BDNF: variants seen among roughly 807,000 people sequenced by gnomAD.
BDNF encodes the protein neurotrophic factor BDNF precursor form.
A neutral mutation model predicts 19.5 loss-of-function variants in BDNF; 1 was observed. The ratio of observed to expected loss-of-function variants is 0.05; its 90% CI spans 0.02 to 0.24. The LOEUF (loss-of-function observed/expected upper bound fraction) is 0.24. Among genes scored for constraint, BDNF ranks in the 10% least tolerant of loss-of-function variants. The pLI, the probability that BDNF is intolerant of heterozygous loss-of-function variation, is 1.00. For missense variants in BDNF, 195 were observed against 317.6 expected (o/e 0.61, Z 2.93); for synonymous variants, 100 against 121.6 (o/e 0.82, Z 1.17).
At chr11:27,717,771 A>G (rs1424299050) in intron 1 of BDNF, among the ~76,000 whole-genome samples, 3 of 152,156 alleles carry the variant, frequency 2.0e-5, no homozygotes, top group Admixed American at 2.0e-4. Context: ...TTGTAAATAC[A>G]CATAAACAGT....
chr11:27,705,629 G>A (rs1860078125), intron 1 of BDNF, among the ~76,000 whole-genome samples: 1 of 152,202 alleles, frequency 6.6e-6, no homozygotes, highest in South Asian at 2.1e-4. Flanking sequence ...TGAGCAGGAT[G>A]TGCAACTGGC....
intron 1 of BDNF, among the ~76,000 whole-genome samples, chr11:27,680,680 C>T (rs1019748832): frequency 6.6e-6 from 1 of 152,108 alleles, no homozygotes; most frequent in Non-Finnish European, 1.5e-5. Context: ...AATATTCTTG[C>T]TTTTAAAGGG....
chr11:27,658,394 T>C lies in BDNF; in HGVS notation c.171A>G (p.Thr57=), dbSNP rs1852844288. 6.2e-7 allele frequency: 1 copy of C among 1,614,212 alleles called. No homozygotes were observed. Among genetic ancestry groups the C allele is most frequent in the Non-Finnish European group, 8.5e-7 (1 of 1,180,028 alleles). ...CGTGTTCGAAAGTGTCAGCCAATGATGTCAAGCCTCTTGAACCTGCCTTGG... is the reference window on the plus strand; with the variant it reads ...CGTGTTCGAAAGTGTCAGCCAATGACGTCAAGCCTCTTGAACCTGCCTTGG... ...NGPKAGSRGL[T]SLADTFEHVI... The change falls in exon 2 of 2, where the codon ACA becomes ACG. Residue 57 remains threonine (T), a synonymous_variant. Transcript: ENST00000356660. The surrounding 1 kb of genome is among the most constrained non-coding windows in gnomAD (Gnocchi z 5.7).
chr11:27,702,713 TCA>T (rs1859958281), upstream of BDNF, among the ~76,000 whole-genome samples: 1 of 152,188 alleles, frequency 6.6e-6, no homozygotes, highest in South Asian at 2.1e-4. Context: ...CAAAATGAAT[TCA>T]CTAACATTAG....
At chr11:27,695,996 T>C (rs1338015905) in intron 1 of BDNF, among the ~76,000 whole-genome samples, 1 of 152,070 alleles carries the variant, frequency 6.6e-6, no homozygotes, top group South Asian at 2.1e-4. Context: ...AACACACACA[T>C]TTACCACTCC....
chr11:27,674,665 C>T, intron 1 of BDNF: 6 of 985,416 alleles, frequency 6.1e-6, no homozygotes, highest in Non-Finnish European at 7.2e-6. Context: ...TGGAAACATT[C>T]AATTTGGCGG....
rs72348822 is a variant in BDNF, at chr11:27,697,164, C to CAGAGAGAGAGAGAGAG, written c.-22+2984_-22+2999dup. Reference sequence around the variant, plus strand: ...GCACGCACACACACACACACACACACAGAGAGAGAGAGAGAGAGAGAGAGA... The same window carrying CAGAGAGAGAGAGAGAG: ...GCACGCACACACACACACACACACACAGAGAGAGAGAGAGAGAGAGAGAGAGAGAGAGAGAGAGAGA... On this transcript the variant is annotated intron_variant, in intron 1 of 1. Coordinates refer to ENST00000356660, the MANE Select transcript of BDNF (RefSeq NM_001709.5). Among the ~76,000 whole-genome samples the CAGAGAGAGAGAGAGAG allele has an allele frequency of 1.0e-3, 133 of 133,160 alleles. 1 individual carries two copies. Among genetic ancestry groups the CAGAGAGAGAGAGAGAG allele is most frequent in the African/African-American group, 3.6e-3 (123 of 34,532 alleles). 87.4% of individuals were successfully genotyped at this position (133,160 alleles called of 152,430 possible). A position where few individuals can be genotyped will look rare whatever the true frequency, so the allele number is the denominator to read the frequency against.
intron 1 of BDNF, among the ~76,000 whole-genome samples, chr11:27,689,512 G>A (rs144429560): frequency 2.0e-5 from 3 of 152,124 alleles, no homozygotes; most frequent in Non-Finnish European, 2.9e-5. Context: ...CGTAGGAATC[G>A]TAGTAACAAC....
At chr11:27,701,547 T>C, upstream of BDNF, 1 of 987,820 alleles carries the variant, frequency 1.0e-6, no homozygotes, top group Non-Finnish European at 1.2e-6. Context: ...CCATTTGATC[T>C]CGGCAGAGGC....
chr11:27,659,135 G>A (rs1024882003), intron 1 of BDNF: 7 of 1,002,862 alleles, frequency 7.0e-6, no homozygotes, highest in African/African-American at 3.5e-5. Context: ...ACTATAAGGA[G>A]CCTTTAAATT....
intron 1 of BDNF, among the ~76,000 whole-genome samples, chr11:27,678,977 C>T (rs1590344446): frequency 1.3e-5 from 2 of 152,170 alleles, no homozygotes; most frequent in Non-Finnish European, 2.9e-5. Flanking sequence ...GAAATAACCT[C>T]ATGAGGAAGT....
chr11:27,713,361 T>C (rs1218401627), intron 1 of BDNF, among the ~76,000 whole-genome samples: 1 of 152,240 alleles, frequency 6.6e-6, no homozygotes, highest in Non-Finnish European at 1.5e-5. Flanking sequence ...AGCCCCTGTA[T>C]AATTAGAACT....
chr11:27,700,664 GC>G, upstream of BDNF: 1 of 1,068,648 alleles, frequency 9.4e-7, no homozygotes, highest in Non-Finnish European at 1.1e-6. Flanking sequence ...CTCCCCCGGG[GC>G]CTGTCCTCAC....
intron 1 of BDNF, among the ~76,000 whole-genome samples, chr11:27,687,155 T>C (rs1403970235): frequency 2.6e-5 from 4 of 152,220 alleles, no homozygotes; most frequent in African/African-American, 4.8e-5. Flanking sequence ...TTTCATTAAA[T>C]TGATCTTCAA....
intron 1 of BDNF, chr11:27,720,571 G>C (rs1860709573): frequency 1.0e-6 from 1 of 985,608 alleles, no homozygotes; most frequent in African/African-American, 1.7e-5. Flanking sequence ...ATCTCAGTGT[G>C]AGCCGAACCT....
chr11:27,690,687 C>A (rs1180928068), intron 1 of BDNF, among the ~76,000 whole-genome samples: 1 of 152,120 alleles, frequency 6.6e-6, no homozygotes, highest in East Asian at 1.9e-4. Flanking sequence ...GATACTGTTA[C>A]TAAATTACTA....
intron 1 of BDNF, chr11:27,674,079 G>C: frequency 6.2e-7 from 1 of 1,608,152 alleles, no homozygotes. Flanking sequence ...ACCATTTTCA[G>C]GGATCAGTTT....
intron 1 of BDNF, among the ~76,000 whole-genome samples, chr11:27,714,270 T>G (rs1860437759): frequency 6.6e-6 from 1 of 152,184 alleles, no homozygotes; most frequent in African/African-American, 2.4e-5. Context: ...CCCACACACC[T>G]TCTGCAATCC....
At chr11:27,720,606 A>G in intron 1 of BDNF, 1 of 985,606 alleles carries the variant, frequency 1.0e-6, no homozygotes, top group Non-Finnish European at 1.2e-6. Context: ...TTTAAGGGCG[A>G]CACAGGGTTG....
Sources: allele counts gnomAD v4.1 joint callset (sites outside exome capture counted in the v4.1 genomes callset), GRCh38; gene constraint gnomAD v4.1.1; non-coding constraint Gnocchi (gnomAD v3.1); transcripts MANE v1.5; gene names NCBI Gene and HGNC (gene_info 2026-07-23, HGNC 2026-07-21).